The following NPHS1 variants were observed in gnomAD, a reference collection of about 807,000 sequenced individuals.
NPHS1 encodes the protein nephrin.
Under a neutral mutation model 139.7 loss-of-function variants are expected in NPHS1, and 107 were observed. That is an observed-to-expected ratio of 0.77 (90% CI 0.66 to 0.90). The LOEUF (loss-of-function observed/expected upper bound fraction) is 0.90, where lower values mean the gene tolerates loss of function less well. Ranked by LOEUF, NPHS1 falls within the 40% of genes least tolerant of loss-of-function variation. The pLI is 0.00. For missense variants in NPHS1, 1,580 were observed against 1,654.2 expected (o/e 0.96, Z 0.78); for synonymous variants, 707 against 706.6 (o/e 1.00, Z -0.01).
rs1261837861 is a variant in NPHS1 at position 35,843,559 on chromosome 19, A to G, written c.2247T>C (p.Thr749=). The G allele has an allele frequency of 6.2e-7, 1 of 1,614,108 alleles. No homozygotes were observed. Among genetic ancestry groups the G allele is most frequent in the Non-Finnish European group, 8.5e-7 (1 of 1,179,976 alleles). The part of the protein sequence containing the change: ...APTIRALQDP[T]EVNVGGSVDI... ...CCACAGAACCCCCGACGTTCACCTC[A>G]GTGGGGTCCTGGAGGGCACGGATGG... is the stretch of plus-strand genomic sequence containing the variant. Residue 749 remains threonine, a synonymous_variant, in exon 17 of 29, where the codon ACT becomes ACC. Coordinates refer to ENST00000378910, the MANE Select transcript of NPHS1 (RefSeq NM_004646.4).
chr19:35,836,155 T>C (rs373851105), intron 22 of NPHS1, among the ~76,000 whole-genome samples: 48 of 144,414 alleles, frequency 3.3e-4, no homozygotes, highest in African/African-American at 1.1e-3. Flanking sequence ...GAGATGGGGT[T>C]TCACCATGTT....
At chr19:35,842,940 C>A (rs1008234903) in intron 17 of NPHS1, among the ~76,000 whole-genome samples, 1 of 152,148 alleles carries the variant, frequency 6.6e-6, no homozygotes, top group East Asian at 1.9e-4. Flanking sequence ...CACCCATTCA[C>A]TCAACTATTC....
Position 35,845,826 on chromosome 19 carries a change from C to T in NPHS1, c.1628-28G>A. ...GGGAGACGGGGTTGGAGGAGCGAGACTCAGAGGTTAGGGGCGGCCTGGTCT... is the reference window on the plus strand; with the variant it reads ...GGGAGACGGGGTTGGAGGAGCGAGATTCAGAGGTTAGGGGCGGCCTGGTCT... On this transcript the variant is annotated intron_variant, in intron 12 of 28. Coordinates refer to ENST00000378910, the MANE Select transcript of NPHS1 (RefSeq NM_004646.4). This position sits in a 1 kb window ranked among gnomAD's most constrained non-coding sequence, Gnocchi z 5.5. 1.2e-6 allele frequency: 2 copies of T among 1,607,850 alleles called. No homozygotes were observed. The highest frequency in any genetic ancestry group is 1.7e-6 in the Non-Finnish European group (2 of 1,175,886).
At position 35,826,469 on chromosome 19, in the gene NPHS1, A is replaced by G. The variant is rs199585460; in HGVS notation, c.*45T>C. The G allele has an allele frequency of 6.2e-7, 1 of 1,610,304 alleles. No homozygotes were observed. On this transcript the variant is annotated 3_prime_UTR_variant, in exon 29 of 29. Transcript: ENST00000378910. ...AGGCTGTAATGAGAGAGACCAGTGG[A>G]GTGTAAATTCCTGCAGGTGCAGGAC... is the stretch of plus-strand genomic sequence containing the variant.
At position 35,852,224 on chromosome 19, in the gene NPHS1, C is replaced by G. The variant is rs75343898; in HGVS notation, c.-387G>C. 6.6e-6 allele frequency among the ~76,000 whole-genome samples: 1 copy of G among 151,758 alleles called. No individual in the cohort carries two copies. The highest frequency in any genetic ancestry group is 1.5e-5 in the Non-Finnish European group (1 of 67,936). On this transcript the variant is annotated 5_prime_UTR_variant, in exon 1 of 29. Transcript: ENST00000378910. Reference sequence around the variant, plus strand: ...GATTACAGGCGTGAGCCACTGCGCCCAGTCTCTTTATCTTTCCATCTTTCT... The same window carrying G: ...GATTACAGGCGTGAGCCACTGCGCCGAGTCTCTTTATCTTTCCATCTTTCT...
chr19:35,844,329 G>A lies in NPHS1; in HGVS notation c.2061C>T (p.Arg687=). 2 of 1,613,964 alleles carry A rather than the reference G, an allele frequency of 1.2e-6. No individual in the cohort carries two copies. The highest frequency in any genetic ancestry group is 8.5e-7 in the Non-Finnish European group (1 of 1,179,966). Residue 687 remains arginine (R), a synonymous_variant, in exon 15 of 29, where the codon CGC becomes CGT. Coordinates refer to ENST00000378910, the MANE Select transcript of NPHS1 (RefSeq NM_004646.4). ...GACCACTTCCCTCACCTGGACTGAG[G>A]CGATAGCCGCGGAAGGTCCAGTTGA... ...EAFNWTFRGY[R]LSPAGGPRHR...
Position 35,831,366 on chromosome 19 carries a change from T to C in NPHS1, c.3317A>G (p.Glu1106Gly), listed in dbSNP as rs1243973210. 3 of 1,613,886 alleles carry C rather than the reference T, an allele frequency of 1.9e-6. No homozygotes were observed. The highest frequency in any genetic ancestry group is 2.5e-6 in the Non-Finnish European group (3 of 1,179,970). The change falls in exon 26 of 29, where the codon GAA becomes GGA. Residue 1106 changes from glutamate (E) to glycine (G), a missense_variant. Physicochemically the swap from Glu to Gly is moderately conservative, Grantham distance 98. Coordinates refer to ENST00000378910, the MANE Select transcript of NPHS1 (RefSeq NM_004646.4). Reference sequence around the variant, plus strand: ...ATATTCGTTCCTGACTCGGTCCTCTTCCGACCTTCCAGGATGAAGGTGTGG... The same window carrying C: ...ATATTCGTTCCTGACTCGGTCCTCTCCCGACCTTCCAGGATGAAGGTGTGG... Reference protein sequence around the residue: ...GISEKTEAGSEEDRVRNEYEE... With the variant: ...GISEKTEAGSGEDRVRNEYEE...
chr19:35,842,654 T>A (rs1973078744), intron 17 of NPHS1, 104 bp from the exon 18 acceptor site: 1 of 1,168,608 alleles, frequency 8.6e-7, no homozygotes, highest in East Asian at 2.4e-5. Flanking sequence ...ACAATCACCC[T>A]CCACAGAGGT....
rs997603636 is a variant in NPHS1 at position 35,849,236 on chromosome 19, C to G, written c.840G>C (p.Lys280Asn). Residue 280 changes from lysine (K) to asparagine (N), a missense_variant and splice_region_variant, in exon 7 of 29, where the codon AAG becomes AAC. Physicochemically the swap from Lys to Asn is moderately conservative, Grantham distance 94 (BLOSUM62 0). Coordinates refer to ENST00000378910, the MANE Select transcript of NPHS1 (RefSeq NM_004646.4). ...GNPLATLQWL[K>N]NGQPVSTAWG... The stretch of plus-strand genomic sequence containing the variant: ...TCCCCATGCCCGCGTTTGCCCTCAC[C>G]TTCAGCCACTGCAGTGTGGCTAAGG... 3 of 1,613,802 alleles carry G rather than the reference C, an allele frequency of 1.9e-6. No homozygotes were observed. Among genetic ancestry groups the G allele is most frequent in the African/African-American group, 2.7e-5 (2 of 74,938 alleles).
intron 1 of NPHS1, 39 bp downstream of exon 1, chr19:35,851,741 G>T (rs977769663): frequency 1.7e-5 from 27 of 1,557,556 alleles, no homozygotes; most frequent in Non-Finnish European, 2.3e-5. Context: ...GGAAATGGGG[G>T]CCACTTGGCG....
intron 22 of NPHS1, among the ~76,000 whole-genome samples, chr19:35,836,241 G>C (rs1459554485): frequency 1.4e-5 from 2 of 147,594 alleles, no homozygotes; most frequent in Non-Finnish European, 3.0e-5. Flanking sequence ...TTACAGGCGT[G>C]AGCCACTGCG....
chr19:35,849,001 C>T lies in NPHS1; in HGVS notation c.987G>A (p.Glu329=). ...AHNSVSAGTQ[E]HGITLQVTFP... ...AGGTGACCTGCAGTGTGATGCCGTG[C>T]TCCTGGGTCCCTGCAGACACGCTGT... The change falls in exon 8 of 29, where the codon GAG becomes GAA. Residue 329 remains glutamate (E), a synonymous_variant. Transcript: ENST00000378910. The T allele has an allele frequency of 1.9e-6, 3 of 1,612,168 alleles. No homozygotes were observed. The South Asian group carries it at 3.3e-5, about 18-fold the overall frequency.
rs2146831223 is a variant in NPHS1, at chr19:35,851,041, G to A, written c.446C>T (p.Thr149Ile). ...LLTPEAGTMV[T>I]WVAGQEYVVN... ...CACGTACTCCTGCCCAGCTACCCAGGTGACCATGGTGCCTGCCTCTGGGGT... is the reference window on the plus strand; with the variant it reads ...CACGTACTCCTGCCCAGCTACCCAGATGACCATGGTGCCTGCCTCTGGGGT... The change falls in exon 4 of 29, where the codon ACC becomes ATC. Residue 149 changes from threonine (T) to isoleucine (I), a missense_variant. By Grantham distance (89) the Thr-to-Ile change is moderately conservative. Transcript: ENST00000378910. The A allele has an allele frequency of 1.2e-6, 2 of 1,614,214 alleles. No homozygotes were observed. Among genetic ancestry groups the A allele is most frequent in the South Asian group, 1.1e-5 (1 of 91,078 alleles).
rs1209192568 is a variant in NPHS1, at chr19:35,831,767, G to C, written c.3167-5C>G. 2 of 1,562,208 alleles carry C rather than the reference G, an allele frequency of 1.3e-6. No individual in the cohort carries two copies. The highest frequency in any genetic ancestry group is 1.7e-6 in the Non-Finnish European group (2 of 1,154,422). On this transcript the variant is annotated splice_polypyrimidine_tract_variant and splice_region_variant and intron_variant, in intron 23 of 28. Coordinates refer to ENST00000378910, the MANE Select transcript of NPHS1 (RefSeq NM_004646.4). ...GCAGGGGCAGCCCCGAGGGTCCTAG[G>C]GGTGGAAGATACCCCTCAGTGAATC...
chr19:35,852,288 CTCTTCCTCTCTCTCTG>C lies in NPHS1; in HGVS notation c.-467_-452del, dbSNP rs1286467436. Among the ~76,000 whole-genome samples, 2 of 150,382 alleles carry C rather than the reference CTCTTCCTCTCTCTCTG, an allele frequency of 1.3e-5. No individual in the cohort carries two copies. The highest frequency in any genetic ancestry group is 2.5e-5 in the African/African-American group (1 of 40,054). ...CCGTTCTCTCTCCTTTTGTCTCTGT[CTCTTCCTCTCTCTCTG>C]TCTCTCTCTCTCTCTCTCTCTCAAT... On this transcript the variant is annotated 5_prime_UTR_variant, in exon 1 of 29. Coordinates refer to ENST00000378910, the MANE Select transcript of NPHS1 (RefSeq NM_004646.4).
At chr19:35,836,936 C>T (rs1972969344) in intron 22 of NPHS1, among the ~76,000 whole-genome samples, 1 of 145,544 alleles carries the variant, frequency 6.9e-6, no homozygotes, top group Non-Finnish European at 1.5e-5. Context: ...GCAGAGGTTG[C>T]AGTGAGCCGA....
chr19:35,844,943 A>G (rs1178884330), intron 14 of NPHS1, among the ~76,000 whole-genome samples: 1 of 152,128 alleles, frequency 6.6e-6, no homozygotes, highest in African/African-American at 2.4e-5. Flanking sequence ...CGGGCAACAT[A>G]GAGTAATGCC....
intron 16 of NPHS1, chr19:35,843,881 T>C (rs1489665043): frequency 4.4e-6 from 3 of 689,174 alleles, no homozygotes; most frequent in Non-Finnish European, 7.2e-6. Context: ...GCAGCTTCCG[T>C]GTCTAGGCGG....
At position 35,844,228 on chromosome 19, in the gene NPHS1, T is replaced by C. The variant is rs747850607; in HGVS notation, c.2087A>G (p.His696Arg). ...CAGAGCCCCGCTGGACAGGATGCGATGCCGGGGGCCGCCCGCTGGGGAAGG... is the reference window on the plus strand; with the variant it reads ...CAGAGCCCCGCTGGACAGGATGCGACGCCGGGGGCCGCCCGCTGGGGAAGG... ...YRLSPAGGPR[H>R]RILSSGALHL... The change falls in exon 16 of 29, where the codon CAT (histidine) becomes CGT (arginine). Residue 696 changes from histidine to arginine, a missense_variant. Physicochemically the swap from His to Arg is conservative, Grantham distance 29. Coordinates refer to ENST00000378910, the MANE Select transcript of NPHS1 (RefSeq NM_004646.4). 6.2e-7 allele frequency: 1 copy of C among 1,613,214 alleles called. No homozygotes were observed.
Sources: allele counts gnomAD v4.1 joint callset (sites outside exome capture counted in the v4.1 genomes callset), GRCh38; gene constraint gnomAD v4.1.1; non-coding constraint Gnocchi (gnomAD v3.1); transcripts MANE v1.5; gene names NCBI Gene and HGNC (gene_info 2026-07-23, HGNC 2026-07-21).